The following DLGAP2 variants were observed in gnomAD, a reference collection of about 807,000 sequenced individuals.
The protein encoded by DLGAP2 is DLG associated protein 2, also known as disks large-associated protein 2.
A neutral mutation model predicts 100.3 loss-of-function variants in DLGAP2; 26 were observed. The observed-to-expected ratio is 0.26, with a 90% CI of 0.19 to 0.36. The LOEUF (loss-of-function observed/expected upper bound fraction) is 0.36, where lower values mean the gene tolerates loss of function less well. DLGAP2 is among the 10% of genes least tolerant of loss of function. The pLI, the probability that DLGAP2 is intolerant of heterozygous loss-of-function variation, is 1.00. For synonymous variants in DLGAP2, 886 were observed against 630.1 expected (o/e 1.41, Z -6.08); for missense variants, 1,858 against 1,453.2 (o/e 1.28, Z -4.53).
chr8:1,314,149 C>T (rs1030028341), intron 3 of DLGAP2, among the ~76,000 whole-genome samples: 14 of 152,130 alleles, frequency 9.2e-5, no homozygotes, highest in Non-Finnish European at 1.6e-4. Flanking sequence ...TTCATAAAAT[C>T]CTATGAAACT....
intron 2 of DLGAP2, among the ~76,000 whole-genome samples, chr8:1,188,660 G>A (rs768660488): frequency 2.6e-5 from 4 of 152,056 alleles, no homozygotes; most frequent in Non-Finnish European, 4.4e-5. Flanking sequence ...CGACTCATCC[G>A]CCCAGCACTC....
At chr8:1,332,227 T>C (rs1801173507) in intron 3 of DLGAP2, among the ~76,000 whole-genome samples, 1 of 152,188 alleles carries the variant, frequency 6.6e-6, no homozygotes, top group South Asian at 2.1e-4. Context: ...TTTGTGTGAG[T>C]GTGCCTGCAT....
At chr8:926,654 C>G (rs554523042) in intron 2 of DLGAP2, among the ~76,000 whole-genome samples, 2 of 152,348 alleles carry the variant, frequency 1.3e-5, no homozygotes, top group African/African-American at 4.8e-5. Flanking sequence ...CGGCCGTGGC[C>G]AGGGCATGAG....
At chr8:1,227,467 G>T (rs1440068437) in intron 2 of DLGAP2, among the ~76,000 whole-genome samples, 1 of 151,022 alleles carries the variant, frequency 6.6e-6, no homozygotes, top group Non-Finnish European at 1.5e-5. Context: ...TCTCTTGCAG[G>T]CAGCCTACAG....
chr8:1,592,822 G>A (rs190668386), intron 6 of DLGAP2, among the ~76,000 whole-genome samples: 16 of 152,228 alleles, frequency 1.1e-4, no homozygotes, highest in Admixed American at 9.8e-4. Flanking sequence ...AGACTTCTCT[G>A]TGAGCATCAC....
chr8:1,655,962 C>T (rs1798274001), intron 8 of DLGAP2, among the ~76,000 whole-genome samples: 1 of 152,218 alleles, frequency 6.6e-6, no homozygotes, highest in African/African-American at 2.4e-5. Context: ...CTGACCATGA[C>T]CAGTGGACAC....
chr8:887,169 T>C (rs1797939400), intron 1 of DLGAP2, among the ~76,000 whole-genome samples: 1 of 152,224 alleles, frequency 6.6e-6, no homozygotes, highest in South Asian at 2.1e-4. Context: ...AAGTCTGTTT[T>C]GTCAGAGATT....
intron 3 of DLGAP2, among the ~76,000 whole-genome samples, chr8:1,315,382 A>C (rs111332755): frequency 1.3e-4 from 18 of 137,740 alleles, no homozygotes; most frequent in South Asian, 2.5e-4. Context: ...GCGTCTCTCC[A>C]ACAGTGGTCT....
chr8:1,528,310 C>G (rs189929366), intron 4 of DLGAP2, among the ~76,000 whole-genome samples: 4 of 152,330 alleles, frequency 2.6e-5, no homozygotes, highest in Admixed American at 2.6e-4. Context: ...CCTGAGCCCA[C>G]GAACACTCCT....
Position 1,280,004 on chromosome 8 carries a change from A to G in DLGAP2, c.106+21121A>G, listed in dbSNP as rs970158703. Among the ~76,000 whole-genome samples, 29 of 152,204 alleles carry G rather than the reference A, an allele frequency of 1.9e-4. 1 individual carries two copies. ...CAAGATGAAGAAGTAACATGAACAA[A>G]AGTTCTGGACTTTGAGGAGCTTAGA... On this transcript the variant is annotated intron_variant, in intron 3 of 14. Transcript: ENST00000637795.
At chr8:1,103,909 C>A (rs1563193694) in intron 2 of DLGAP2, among the ~76,000 whole-genome samples, 2 of 152,232 alleles carry the variant, frequency 1.3e-5, no homozygotes, top group African/African-American at 4.8e-5. Context: ...GCATCTGCCA[C>A]TGTTGAGTTG....
chr8:966,359 A>G (rs757602953), intron 2 of DLGAP2, among the ~76,000 whole-genome samples: 4 of 152,200 alleles, frequency 2.6e-5, no homozygotes, highest in Non-Finnish European at 5.9e-5. Context: ...AATCATGACT[A>G]AGATGATTTT....
chr8:1,056,394 C>A (rs1481412707), intron 2 of DLGAP2, among the ~76,000 whole-genome samples: 1 of 152,208 alleles, frequency 6.6e-6, no homozygotes, highest in Admixed American at 6.5e-5. Flanking sequence ...AGCCTTCTCC[C>A]ATTTTTCCCA....
intron 3 of DLGAP2, among the ~76,000 whole-genome samples, chr8:1,364,204 G>A (rs962418111): frequency 5.9e-5 from 9 of 152,180 alleles, no homozygotes; most frequent in East Asian, 1.9e-4. Context: ...GGGGAGGGGC[G>A]GACGGTGCCC....
chr8:795,667 T>TCCAGTGAGAGCAGGA (rs1563437537), intron 1 of DLGAP2, among the ~76,000 whole-genome samples: 2 of 29,482 alleles, frequency 6.8e-5, no homozygotes, highest in South Asian at 1.0e-3. Flanking sequence ...TGAGAGCAGG[T>TCCAGTGAGAGCAGGA]GTCCAGTGAG....
chr8:985,870 C>G (rs1800471667), intron 2 of DLGAP2, among the ~76,000 whole-genome samples: 1 of 152,176 alleles, frequency 6.6e-6, no homozygotes, highest in Non-Finnish European at 1.5e-5. Context: ...AGTCGATCAC[C>G]TGACAAACCC....
chr8:1,514,376 C>T (rs1036556674), intron 4 of DLGAP2, among the ~76,000 whole-genome samples: 1 of 152,250 alleles, frequency 6.6e-6, no homozygotes, highest in Admixed American at 6.5e-5. Flanking sequence ...CTTTCTGTTT[C>T]ACATAACACA....
chr8:1,540,009 G>A (rs1801306219), intron 4 of DLGAP2, among the ~76,000 whole-genome samples: 1 of 152,144 alleles, frequency 6.6e-6, no homozygotes, highest in Admixed American at 6.5e-5. Flanking sequence ...ATTATTGCCA[G>A]CCCCACCCTT....
intron 1 of DLGAP2, among the ~76,000 whole-genome samples, chr8:899,831 G>T (rs751141537): frequency 5.3e-5 from 8 of 152,164 alleles, no homozygotes; most frequent in Admixed American, 2.0e-4. Flanking sequence ...ATTCAGTGGC[G>T]TGGTGTAACT....
Sources: allele counts gnomAD v4.1 joint callset (sites outside exome capture counted in the v4.1 genomes callset), GRCh38; gene constraint gnomAD v4.1.1; transcripts MANE v1.5; gene names NCBI Gene and HGNC (gene_info 2026-07-23, HGNC 2026-07-21).